Variants in MYO10 observed in about 807,000 individuals in gnomAD.
The protein encoded by MYO10 is unconventional myosin-X.
In MYO10, 133 loss-of-function variants were observed where a neutral mutation model predicts 257.3. The observed-to-expected ratio is 0.52, with a 90% CI of 0.45 to 0.60. MYO10 has a LOEUF of 0.60. MYO10 is among the 20% of genes least tolerant of loss of function. The probability of loss-of-function intolerance (pLI) is 0.00; values close to 1 mark genes in which losing one functional copy is unlikely to be tolerated. For missense variants in MYO10, 2,399 were observed against 2,635.7 expected (o/e 0.91, Z 1.97); for synonymous variants, 1,104 against 1,028.6 (o/e 1.07, Z -1.40).
chr5:16,668,045 CA>C (rs1202239220), intron 40 of MYO10, among the ~76,000 whole-genome samples: 2 of 152,106 alleles, frequency 1.3e-5, no homozygotes, highest in Non-Finnish European at 2.9e-5. Context: ...GACTCCTTGG[CA>C]AAATGGAACC....
chr5:16,677,438 C>G (rs1251560312), intron 33 of MYO10, among the ~76,000 whole-genome samples: 1 of 60,046 alleles, frequency 1.7e-5, no homozygotes, highest in Admixed American at 1.7e-4. Flanking sequence ...TTTTTTGAGA[C>G]GGAGTCTTGC....
chr5:16,721,145 G>A (rs976479629), intron 19 of MYO10, among the ~76,000 whole-genome samples: 6 of 151,980 alleles, frequency 3.9e-5, no homozygotes, highest in African/African-American at 9.7e-5. Flanking sequence ...AGACAATTAC[G>A]CTACATAACA....
intron 1 of MYO10, among the ~76,000 whole-genome samples, chr5:16,908,526 G>GAAATA (rs771952961): frequency 1.3e-5 from 2 of 152,208 alleles, no homozygotes; most frequent in African/African-American, 4.8e-5. Flanking sequence ...TCGAAAAAAT[G>GAAATA]AAATAAAATA....
chr5:16,763,975 T>C (rs1318105325), intron 12 of MYO10, among the ~76,000 whole-genome samples: 1 of 152,010 alleles, frequency 6.6e-6, no homozygotes, highest in East Asian at 1.9e-4. Flanking sequence ...TGCAACCCCG[T>C]CTCTATTGAA....
intron 1 of MYO10, among the ~76,000 whole-genome samples, chr5:16,921,529 TCCACACTGATAAATGTGTGGTCTC>T (rs1245693223): frequency 1.3e-5 from 2 of 151,624 alleles, no homozygotes; most frequent in Admixed American, 6.6e-5. Context: ...GAATAAAATT[TCCACACTGATAAATGTGTGGTCTC>T]CCACACATTT....
chr5:16,866,349 A>G (rs994237223), intron 2 of MYO10, among the ~76,000 whole-genome samples: 1 of 152,240 alleles, frequency 6.6e-6, no homozygotes. Flanking sequence ...TACTGTCATC[A>G]GACAGAAGAG....
At chr5:16,804,786 A>G (rs1742223354) in intron 3 of MYO10, among the ~76,000 whole-genome samples, 1 of 152,032 alleles carries the variant, frequency 6.6e-6, no homozygotes, top group Admixed American at 6.6e-5. Context: ...GTGGTAGTGC[A>G]TGCCTGTAGT....
chr5:16,889,541 CGAAAGGAAG>C (rs1179986283), intron 1 of MYO10, among the ~76,000 whole-genome samples: 59 of 131,742 alleles, frequency 4.5e-4, no homozygotes, highest in African/African-American at 1.7e-3. Flanking sequence ...GAAGGGCGGA[CGAAAGGAAG>C]GAAAGGAAGG....
intron 3 of MYO10, chr5:16,815,243 A>C (rs1245116249): frequency 2.0e-6 from 1 of 500,388 alleles, no homozygotes; most frequent in African/African-American, 2.0e-5. Flanking sequence ...CCCTTGTGTG[A>C]AATGCCTGGG....
rs145533857 is a variant in MYO10 at position 16,844,384 on chromosome 5, A to G, written c.121-26217T>C. 9.6e-4 allele frequency among the ~76,000 whole-genome samples: 146 copies of G among 152,262 alleles called. 2 individuals are homozygous for G. The highest frequency in any genetic ancestry group is 1.7e-3 in the Non-Finnish European group (114 of 68,030). ...TGTCAATATTTATCCGCTTTCTCCA[A>G]CGATTTATCTAACTGGCTCTTCTCT... On this transcript the variant is annotated intron_variant, in intron 2 of 40. Coordinates refer to ENST00000513610, the MANE Select transcript of MYO10 (RefSeq NM_012334.3).
intron 3 of MYO10, chr5:16,815,172 C>A (rs374695328): frequency 5.1e-4 from 166 of 325,832 alleles, no homozygotes; most frequent in African/African-American, 3.4e-3. Flanking sequence ...CAAAAAAAAA[C>A]AAACTTGTGT....
At chr5:16,794,945 G>C (rs1169643302) in intron 3 of MYO10, 112 bp from the exon 4 acceptor site, 2 of 811,932 alleles carry the variant, frequency 2.5e-6, no homozygotes, top group Non-Finnish European at 3.5e-6. Flanking sequence ...TCTGTCTCCC[G>C]GGTGCACACT....
At chr5:16,914,014 T>G (rs1229793615) in intron 1 of MYO10, among the ~76,000 whole-genome samples, 2 of 152,130 alleles carry the variant, frequency 1.3e-5, no homozygotes, top group African/African-American at 4.8e-5. Context: ...GGCTCCTCCC[T>G]GGAAACACAC....
At chr5:16,932,931 C>G (rs1746329916) in intron 1 of MYO10, among the ~76,000 whole-genome samples, 1 of 152,148 alleles carries the variant, frequency 6.6e-6, no homozygotes, top group Non-Finnish European at 1.5e-5. Context: ...CCACACTCAG[C>G]TAAGTTTTGT....
intron 19 of MYO10, among the ~76,000 whole-genome samples, chr5:16,725,846 G>T (rs748769514): frequency 1.3e-5 from 2 of 150,580 alleles, no homozygotes; most frequent in Non-Finnish European, 2.9e-5. Flanking sequence ...GGAGTGCAGT[G>T]GCGTGATCTT....
At chr5:16,917,968 T>C (rs1282944510) in intron 1 of MYO10, among the ~76,000 whole-genome samples, 1 of 152,328 alleles carries the variant, frequency 6.6e-6, no homozygotes, top group East Asian at 1.9e-4. Flanking sequence ...GATCTAACCA[T>C]GCTAGCCACT....
chr5:16,823,983 G>A (rs1207775181), intron 2 of MYO10, among the ~76,000 whole-genome samples: 2 of 152,132 alleles, frequency 1.3e-5, no homozygotes, highest in South Asian at 4.1e-4. Flanking sequence ...AATGATACCT[G>A]AGAACAAACT....
Position 16,881,720 on chromosome 5 carries a change from C to T in MYO10, c.22-4013G>A, listed in dbSNP as rs144445235. ...GTTCCTGGTGCTTTCTCTGAGACCC[C>T]AATCTTTCTACTTCCACTCTATTAG... On this transcript the variant is annotated intron_variant, in intron 1 of 40. Coordinates refer to ENST00000513610, the MANE Select transcript of MYO10 (RefSeq NM_012334.3). Among the ~76,000 whole-genome samples, 1,016 of 152,272 alleles carry T rather than the reference C, an allele frequency of 6.7e-3. 10 individuals carry two copies. Among genetic ancestry groups the T allele is most frequent in the African/African-American group, 0.023 (972 of 41,550 alleles).
At chr5:16,700,508 C>T (rs930382958) in intron 25 of MYO10, among the ~76,000 whole-genome samples, 3 of 152,102 alleles carry the variant, frequency 2.0e-5, no homozygotes, top group African/African-American at 7.2e-5. Flanking sequence ...AAAACCCCAT[C>T]TCTACTAAAA....
Sources: allele counts gnomAD v4.1 joint callset (sites outside exome capture counted in the v4.1 genomes callset), GRCh38; gene constraint gnomAD v4.1.1; transcripts MANE v1.5; gene names NCBI Gene and HGNC (gene_info 2026-07-23, HGNC 2026-07-21).